SLC2A13: variants seen among roughly 807,000 people sequenced by gnomAD.
SLC2A13 encodes proton myo-inositol cotransporter.
SLC2A13 carries 32 observed loss-of-function variants against 64.4 expected under a neutral mutation model. The ratio of observed to expected loss-of-function variants is 0.50; its 90% CI spans 0.37 to 0.67. The LOEUF (loss-of-function observed/expected upper bound fraction) is 0.67. SLC2A13 is among the 30% of genes least tolerant of loss of function. The pLI is 0.00. For synonymous variants in SLC2A13, 338 were observed against 327.1 expected (o/e 1.03, Z -0.36); for missense variants, 743 against 829.2 (o/e 0.90, Z 1.28).
chr12:39,779,354 G>GT (rs1488029290), intron 7 of SLC2A13, among the ~76,000 whole-genome samples: 1 of 152,172 alleles, frequency 6.6e-6, no homozygotes, highest in East Asian at 1.9e-4. Flanking sequence ...GAGAACTGAT[G>GT]TTTTTCTACA....
At chr12:39,927,601 C>T (rs6581438) in intron 4 of SLC2A13, among the ~76,000 whole-genome samples, 130,877 of 152,176 alleles carry the variant, frequency 0.86, 56,357 homozygotes, top group East Asian at 1. Context: ...ACATATCAAA[C>T]GAGAAAAAAT....
intron 4 of SLC2A13, among the ~76,000 whole-genome samples, chr12:39,924,138 T>C (rs1385998613): frequency 6.6e-6 from 1 of 152,164 alleles, no homozygotes; most frequent in African/African-American, 2.4e-5. Context: ...ACTCTTAAAA[T>C]ATGAATGATG....
intron 3 of SLC2A13, among the ~76,000 whole-genome samples, chr12:40,011,959 A>G (rs1209626004): frequency 1.3e-5 from 2 of 152,190 alleles, no homozygotes; most frequent in African/African-American, 4.8e-5. Context: ...GCCCTGCAAT[A>G]GCCACCTAGT....
intron 3 of SLC2A13, among the ~76,000 whole-genome samples, chr12:39,976,313 T>C (rs1483246539): frequency 6.6e-6 from 1 of 152,158 alleles, no homozygotes; most frequent in Non-Finnish European, 1.5e-5. Flanking sequence ...CCAAGATAAA[T>C]TAGACATGGT....
intron 3 of SLC2A13, among the ~76,000 whole-genome samples, chr12:39,978,384 G>A (rs955240600): frequency 1.3e-5 from 2 of 152,208 alleles, no homozygotes; most frequent in Admixed American, 6.5e-5. Flanking sequence ...CAGAAGACGG[G>A]TGATTTCTGC....
intron 4 of SLC2A13, among the ~76,000 whole-genome samples, chr12:39,940,044 CA>C (rs965784070): frequency 5.9e-5 from 9 of 152,234 alleles, no homozygotes; most frequent in East Asian, 1.9e-4. Context: ...ACTCATTTTT[CA>C]AAAGAGTGAG....
intron 3 of SLC2A13, among the ~76,000 whole-genome samples, chr12:40,025,207 C>A (rs970668858): frequency 6.6e-6 from 1 of 152,224 alleles, no homozygotes; most frequent in East Asian, 1.9e-4. Flanking sequence ...CAACCTTATT[C>A]CATGGTATGG....
intron 3 of SLC2A13, among the ~76,000 whole-genome samples, chr12:39,988,496 G>T (rs1223416338): frequency 7.4e-6 from 1 of 134,424 alleles, no homozygotes; most frequent in Non-Finnish European, 1.6e-5. Flanking sequence ...GAAGGAAGGA[G>T]AAAAAGAAAG....
intron 4 of SLC2A13, among the ~76,000 whole-genome samples, chr12:39,895,992 A>C (rs1944813829): frequency 7.5e-6 from 1 of 132,602 alleles, no homozygotes; most frequent in Admixed American, 8.5e-5. Flanking sequence ...ATACATTCAT[A>C]TATGTGTATA....
At chr12:39,946,393 G>C (rs956318946) in intron 4 of SLC2A13, among the ~76,000 whole-genome samples, 16 of 152,190 alleles carry the variant, frequency 1.1e-4, no homozygotes, top group African/African-American at 3.9e-4. Context: ...GTGTGGAGAG[G>C]GACTGGCAGT....
At chr12:39,799,980 T>C (rs1401310454) in intron 7 of SLC2A13, among the ~76,000 whole-genome samples, 7 of 152,134 alleles carry the variant, frequency 4.6e-5, no homozygotes, top group Admixed American at 4.6e-4. Context: ...TATGTACAAA[T>C]TACAAAATGA....
intron 4 of SLC2A13, among the ~76,000 whole-genome samples, chr12:39,906,129 GAAC>G (rs1565535270): frequency 4.1e-3 from 2 of 482 alleles, no homozygotes; most frequent in African/African-American, 5.2e-3. Flanking sequence ...TGCAGATACA[GAAC>G]TTTGAACTTT....
chr12:40,029,562 T>G (rs1947873930), intron 2 of SLC2A13, among the ~76,000 whole-genome samples: 8 of 152,196 alleles, frequency 5.3e-5, no homozygotes, highest in Admixed American at 5.2e-4. Flanking sequence ...TAAGCTATGC[T>G]AAACTGATAG....
Position 39,755,787 on chromosome 12 carries a change from C to G in SLC2A13, c.*4239G>C, listed in dbSNP as rs377361895. On this transcript the variant is annotated 3_prime_UTR_variant, in exon 10 of 10. Transcript: ENST00000280871. The stretch of plus-strand genomic sequence containing the variant: ...GACCAAATTACTCAAGTACAACAGA[C>G]TATATATTTTGTACATATAAAGATT... 6.6e-6 allele frequency: 1 copy of G among 152,136 alleles called. No homozygotes were observed. The highest frequency in any genetic ancestry group is 1.5e-5 in the Non-Finnish European group (1 of 67,858). The allele number at this position is 152,136 out of a possible 1,614,324, so 9.4% of individuals were successfully genotyped here. A position where few individuals can be genotyped will look rare whatever the true frequency, so the allele number is the denominator to read the frequency against.
chr12:39,907,445 A>G (rs1766616204), intron 4 of SLC2A13, among the ~76,000 whole-genome samples: 1 of 152,184 alleles, frequency 6.6e-6, no homozygotes, highest in Admixed American at 6.6e-5. Flanking sequence ...GCACTCAAGA[A>G]GAGTTTTCTA....
rs1248521956 is a variant in SLC2A13, at chr12:40,048,121, T to C, written c.646A>G (p.Ile216Val). The change falls in exon 2 of 10, where the codon ATC becomes GTC. Residue 216 changes from isoleucine to valine, a missense_variant. By Grantham distance (29) the Ile-to-Val change is conservative. Transcript: ENST00000280871. ...GRLVTINTLF[I>V]TGGQFFASVV... The stretch of plus-strand genomic sequence containing the variant: ...CTTGCAAAGAACTGCCCTCCTGTGA[T>C]GAAGAGGGTATTAATGGTGACTAAT... 6.2e-7 allele frequency: 1 copy of C among 1,613,628 alleles called. No individual in the cohort carries two copies.
intron 9 of SLC2A13, among the ~76,000 whole-genome samples, chr12:39,761,842 T>G (rs1047648830): frequency 2.0e-5 from 3 of 152,126 alleles, no homozygotes; most frequent in African/African-American, 7.2e-5. Flanking sequence ...CAAACCCAGT[T>G]TGACTTTTAA....
intron 6 of SLC2A13, among the ~76,000 whole-genome samples, chr12:39,841,055 C>T (rs1943165474): frequency 6.6e-6 from 1 of 151,980 alleles, no homozygotes; most frequent in African/African-American, 2.4e-5. Context: ...CATACATGAC[C>T]ATCTGGAACT....
At chr12:39,830,288 T>C in intron 6 of SLC2A13, 60 bp from the exon 7 acceptor site, 1 of 1,569,346 alleles carries the variant, frequency 6.4e-7, no homozygotes, top group South Asian at 1.2e-5. Context: ...CACCATATAC[T>C]GGATTCCATG....
Sources: allele counts gnomAD v4.1 joint callset (sites outside exome capture counted in the v4.1 genomes callset), GRCh38; gene constraint gnomAD v4.1.1; transcripts MANE v1.5; gene names NCBI Gene and HGNC (gene_info 2026-07-23, HGNC 2026-07-21).